HTR1F: variants seen among roughly 807,000 people sequenced by gnomAD.
HTR1F encodes the protein 5-hydroxytryptamine receptor 1F, also known as 5-hydroxytryptamine (serotonin) receptor 1F, G protein-coupled.
A neutral mutation model predicts 24.0 loss-of-function variants in HTR1F; 17 were observed. The ratio of observed to expected loss-of-function variants is 0.71; its 90% CI spans 0.48 to 1.06. HTR1F has a LOEUF of 1.06. Among genes scored for constraint, HTR1F ranks in the 50% least tolerant of loss-of-function variants. The pLI, the probability that HTR1F is intolerant of heterozygous loss-of-function variation, is 0.00. For synonymous variants in HTR1F, 186 were observed against 156.8 expected (o/e 1.19, Z -1.39); for missense variants, 391 against 427.8 (o/e 0.91, Z 0.76).
chr3:87,874,839 T>C (rs1463301762), intron 2 of HTR1F, among the ~76,000 whole-genome samples: 1 of 152,048 alleles, frequency 6.6e-6, no homozygotes, highest in African/African-American at 2.4e-5. Context: ...CAGAAGTATA[T>C]GGTTAAATAA....
intron 1 of HTR1F, among the ~76,000 whole-genome samples, chr3:87,817,088 C>T (rs1486845953): frequency 2.0e-5 from 3 of 152,232 alleles, no homozygotes; most frequent in East Asian, 1.9e-4. Flanking sequence ...CACACATGCA[C>T]GTGTGAGTGC....
rs545954168 is a variant in HTR1F at position 87,874,801 on chromosome 3, A to C, written c.-43+52677A>C. 3.3e-5 allele frequency among the ~76,000 whole-genome samples: 5 copies of C among 152,284 alleles called. No homozygotes were observed. In the East Asian group the frequency reaches 9.7e-4, roughly 29 times the overall value. ...ATGGCACTGGCATAAAGGCAGACAT[A>C]TAGACTAGTGGAACGTAATAGAAAG... On this transcript the variant is annotated intron_variant, in intron 2 of 2. Coordinates refer to ENST00000319595, the MANE Select transcript of HTR1F (RefSeq NM_001322209.2).
chr3:87,812,216 G>A (rs1380739785), intron 1 of HTR1F, among the ~76,000 whole-genome samples: 1 of 152,182 alleles, frequency 6.6e-6, no homozygotes, highest in Non-Finnish European at 1.5e-5. Flanking sequence ...ATGGGCAGAG[G>A]TTGATAGAGT....
chr3:87,978,221 G>A (rs144851083), intron 2 of HTR1F, among the ~76,000 whole-genome samples: 189 of 152,260 alleles, frequency 1.2e-3, no homozygotes, highest in African/African-American at 4.2e-3. Context: ...TCCAGAAATC[G>A]CAGAGACCCC....
At chr3:87,893,109 T>A (rs1706120505) in intron 2 of HTR1F, among the ~76,000 whole-genome samples, 1 of 152,098 alleles carries the variant, frequency 6.6e-6, no homozygotes, top group Non-Finnish European at 1.5e-5. Flanking sequence ...TATAAAGGGA[T>A]TTGGTCCTGA....
chr3:87,925,091 G>C (rs1361730983), intron 2 of HTR1F, among the ~76,000 whole-genome samples: 4 of 150,962 alleles, frequency 2.6e-5, no homozygotes, highest in African/African-American at 9.7e-5. Context: ...GATTTCTTCA[G>C]CTGTAATCAA....
chr3:87,819,198 T>C (rs1484876283), intron 1 of HTR1F, among the ~76,000 whole-genome samples: 3 of 152,172 alleles, frequency 2.0e-5, no homozygotes, highest in East Asian at 3.9e-4. Context: ...GGGGGATGCA[T>C]TGGATACTGC....
chr3:87,847,335 A>G (rs1367644441), intron 2 of HTR1F, among the ~76,000 whole-genome samples: 1 of 151,806 alleles, frequency 6.6e-6, no homozygotes, highest in Non-Finnish European at 1.5e-5. Flanking sequence ...AAAATTCTAC[A>G]GCTTGAACTG....
intron 2 of HTR1F, among the ~76,000 whole-genome samples, chr3:87,945,247 G>A (rs539371152): frequency 6.6e-6 from 1 of 152,130 alleles, no homozygotes; most frequent in African/African-American, 2.4e-5. Context: ...ACCTAAATCG[G>A]GAGGGACACC....
chr3:87,932,185 A>C (rs1370769103), intron 2 of HTR1F, among the ~76,000 whole-genome samples: 1 of 152,074 alleles, frequency 6.6e-6, no homozygotes, highest in African/African-American at 2.4e-5. Context: ...TAGGTCTAAC[A>C]TTTAAGTCTT....
At chr3:87,820,718 T>G (rs1294483572) in intron 1 of HTR1F, among the ~76,000 whole-genome samples, 2 of 152,108 alleles carry the variant, frequency 1.3e-5, no homozygotes, top group Non-Finnish European at 2.9e-5. Context: ...AAAATTAATT[T>G]AATAAATTTA....
chr3:87,975,836 C>T (rs56398417), intron 2 of HTR1F, among the ~76,000 whole-genome samples: 35,311 of 152,090 alleles, frequency 0.23, 4,580 homozygotes, highest in Non-Finnish European at 0.3. Context: ...AGCAGAGCTC[C>T]AAATCATGGC....
chr3:87,959,302 T>C (rs1705010838), intron 2 of HTR1F, among the ~76,000 whole-genome samples: 1 of 151,804 alleles, frequency 6.6e-6, no homozygotes, highest in African/African-American at 2.4e-5. Context: ...CTGTGATGTA[T>C]AAGGCAATTA....
At chr3:87,851,235 T>G (rs1705079918) in intron 2 of HTR1F, among the ~76,000 whole-genome samples, 1 of 151,780 alleles carries the variant, frequency 6.6e-6, no homozygotes, top group Admixed American at 6.6e-5. Flanking sequence ...CTTTTTTCAC[T>G]TAACAGTTTA....
At chr3:87,866,234 A>T (rs1705423379) in intron 2 of HTR1F, among the ~76,000 whole-genome samples, 1 of 152,232 alleles carries the variant, frequency 6.6e-6, no homozygotes, top group South Asian at 2.1e-4. Context: ...ACTCAAATGC[A>T]AAAGCAAATA....
intron 1 of HTR1F, among the ~76,000 whole-genome samples, chr3:87,808,330 C>G (rs1384214016): frequency 6.6e-6 from 1 of 151,806 alleles, no homozygotes; most frequent in African/African-American, 2.4e-5. Flanking sequence ...TAATTTCTTC[C>G]TGATTCAATC....
intron 2 of HTR1F, among the ~76,000 whole-genome samples, chr3:87,870,972 C>T (rs912704342): frequency 7.3e-6 from 1 of 137,754 alleles, no homozygotes; most frequent in Non-Finnish European, 1.5e-5. Flanking sequence ...GCTACTTTAT[C>T]AAATACCCAA....
chr3:87,924,365 G>T lies in HTR1F; in HGVS notation c.-42-66343G>T, dbSNP rs760872864. On this transcript the variant is annotated intron_variant, in intron 2 of 2. Transcript: ENST00000319595. ...TCATTAATTATTTTTAGTTTGTTTTGCATAGCTTTTTTTCTTATTGCTTAT... is the reference window on the plus strand; with the variant it reads ...TCATTAATTATTTTTAGTTTGTTTTTCATAGCTTTTTTTCTTATTGCTTAT... 5.4e-4 allele frequency among the ~76,000 whole-genome samples: 82 copies of T among 152,056 alleles called. 1 individual carries two copies. Among genetic ancestry groups the T allele is most frequent in the Non-Finnish European group, 7.2e-4 (49 of 67,974 alleles).
intron 2 of HTR1F, among the ~76,000 whole-genome samples, chr3:87,840,602 A>T (rs2130352): frequency 0.31 from 47,003 of 151,982 alleles, 8,957 homozygotes; most frequent in South Asian, 0.49. Context: ...ACTGGAGTAT[A>T]CCCAAAGTAC....
Sources: allele counts gnomAD v4.1 joint callset (sites outside exome capture counted in the v4.1 genomes callset), GRCh38; gene constraint gnomAD v4.1.1; transcripts MANE v1.5; gene names NCBI Gene and HGNC (gene_info 2026-07-23, HGNC 2026-07-21).